Variants in CCSER1 observed in about 807,000 individuals in gnomAD.
CCSER1 encodes coiled-coil serine rich protein 1.
In CCSER1, 41 loss-of-function variants were observed where a neutral mutation model predicts 82.0. The observed-to-expected ratio is 0.50, with a 90% CI of 0.39 to 0.65. The LOEUF is 0.65. Ranked by LOEUF, CCSER1 falls within the 30% of genes least tolerant of loss-of-function variation. The pLI is 0.00. For synonymous variants in CCSER1, 414 were observed against 383.9 expected (o/e 1.08, Z -0.92); for missense variants, 1,119 against 1,064.2 (o/e 1.05, Z -0.72).
intron 10 of CCSER1, among the ~76,000 whole-genome samples, chr4:91,303,513 C>T (rs551052283): frequency 3.3e-5 from 5 of 152,084 alleles, no homozygotes; most frequent in African/African-American, 9.6e-5. Flanking sequence ...AGGCCAGGCA[C>T]AGTTGTTCAC....
chr4:91,370,947 C>T lies in CCSER1; in HGVS notation c.2218-227625C>T, dbSNP rs144179336. ...TGTGATCTTGGCTCACTGCAACCTC[C>T]GCCTCCTGGGTTCAAGTGATTCTCC... On this transcript the variant is annotated intron_variant, in intron 10 of 10. Coordinates refer to ENST00000509176, the MANE Select transcript of CCSER1 (RefSeq NM_001145065.2). 2.4e-3 allele frequency among the ~76,000 whole-genome samples: 366 copies of T among 152,018 alleles called. 2 individuals are homozygous for T. The highest frequency in any genetic ancestry group is 7.3e-3 in the African/African-American group (302 of 41,478).
chr4:90,230,507 C>A (rs937657250), intron 1 of CCSER1, among the ~76,000 whole-genome samples: 1 of 151,850 alleles, frequency 6.6e-6, no homozygotes, highest in African/African-American at 2.4e-5. Context: ...TAAATGCCCA[C>A]AAGAGGAAGC....
chr4:91,232,582 A>G, intron 10 of CCSER1, among the ~76,000 whole-genome samples: 1 of 151,808 alleles, frequency 6.6e-6, no homozygotes, highest in Non-Finnish European at 1.5e-5. Flanking sequence ...GAGAACAGGA[A>G]TAGGAAAGAA....
rs376428073 is a variant in CCSER1, at chr4:90,169,209, C to T, written c.-42+41378C>T. 1.2e-4 allele frequency among the ~76,000 whole-genome samples: 18 copies of T among 151,690 alleles called. No individual in the cohort carries two copies. The East Asian group carries it at 2.2e-3, about 18-fold the overall frequency. ...TCCTTCACATCCCTTGTAAGTTGGA[C>T]TCCTAGGTATTTTATTCTCTTTGAA... On this transcript the variant is annotated intron_variant, in intron 1 of 10. Transcript: ENST00000509176.
chr4:91,301,813 A>T (rs973432629), intron 10 of CCSER1, among the ~76,000 whole-genome samples: 13 of 151,918 alleles, frequency 8.6e-5, no homozygotes, highest in Non-Finnish European at 1.8e-4. Flanking sequence ...GCCACCAACA[A>T]TGATGAGGCA....
intron 10 of CCSER1, among the ~76,000 whole-genome samples, chr4:91,479,026 A>G (rs1432342361): frequency 6.6e-6 from 1 of 151,894 alleles, no homozygotes; most frequent in African/African-American, 2.4e-5. Context: ...CACAATTGCA[A>G]ATAGTATGTT....
chr4:90,501,631 T>C (rs1202982702), intron 5 of CCSER1, among the ~76,000 whole-genome samples: 1 of 152,208 alleles, frequency 6.6e-6, no homozygotes, highest in East Asian at 1.9e-4. Context: ...TTTTGTAAGA[T>C]GCAAACATTT....
intron 3 of CCSER1, among the ~76,000 whole-genome samples, chr4:90,361,159 C>G (rs1745305332): frequency 6.6e-6 from 1 of 152,170 alleles, no homozygotes; most frequent in African/African-American, 2.4e-5. Context: ...GATAGGCACT[C>G]TTTAAACATA....
chr4:90,271,855 TATATATA>T (rs1353397292), intron 1 of CCSER1, among the ~76,000 whole-genome samples: 87 of 31,222 alleles, frequency 2.8e-3, no homozygotes, highest in Middle Eastern at 0.011. Context: ...TATATATATA[TATATATA>T]TTTTTTTTTT....
rs566333428 is a variant in CCSER1 at position 91,136,241 on chromosome 4, C to A, written c.2217+50247C>A. 3.3e-5 allele frequency among the ~76,000 whole-genome samples: 5 copies of A among 152,294 alleles called. No homozygotes were observed. In the South Asian group the frequency reaches 1.0e-3, roughly 32 times the overall value. On this transcript the variant is annotated intron_variant, in intron 10 of 10. Transcript: ENST00000509176. Reference sequence around the variant, plus strand: ...ATCAATTAAAACACTACTCTTCACACCTCATACATTTGCCAGTGTTTTTTC... The same window carrying A: ...ATCAATTAAAACACTACTCTTCACAACTCATACATTTGCCAGTGTTTTTTC...
At chr4:91,541,979 C>A (rs189032427) in intron 10 of CCSER1, among the ~76,000 whole-genome samples, 2 of 151,980 alleles carry the variant, frequency 1.3e-5, no homozygotes, top group Non-Finnish European at 1.5e-5. Context: ...TGATGGCCAG[C>A]GATGATGAGC....
At chr4:90,350,689 C>T (rs1743267070) in intron 3 of CCSER1, among the ~76,000 whole-genome samples, 1 of 151,754 alleles carries the variant, frequency 6.6e-6, no homozygotes, top group East Asian at 1.9e-4. Flanking sequence ...TATAATGGCA[C>T]CAAATATAAC....
chr4:91,583,369 ATTC>A (rs148982376), intron 10 of CCSER1, among the ~76,000 whole-genome samples: 15,047 of 151,340 alleles, frequency 0.099, 918 homozygotes, highest in East Asian at 0.15. Context: ...TCTTTTTTAA[ATTC>A]TTCTTGTCCA....
chr4:91,245,673 A>G (rs1014679701), intron 10 of CCSER1, among the ~76,000 whole-genome samples: 1 of 152,118 alleles, frequency 6.6e-6, no homozygotes, highest in Non-Finnish European at 1.5e-5. Flanking sequence ...AAAGAAAACT[A>G]TATATACACG....
At chr4:91,592,679 T>C (rs1350682061) in intron 10 of CCSER1, among the ~76,000 whole-genome samples, 2 of 152,204 alleles carry the variant, frequency 1.3e-5, no homozygotes, top group Non-Finnish European at 2.9e-5. Context: ...ATAATGTTGA[T>C]ATTTTCATTA....
chr4:90,719,584 A>T (rs547952548), intron 6 of CCSER1, among the ~76,000 whole-genome samples: 61 of 152,160 alleles, frequency 4.0e-4, no homozygotes, highest in African/African-American at 1.0e-3. Context: ...AGTTTCTCAC[A>T]CTTTTCTTGT....
chr4:91,373,973 C>T (rs1473407929), intron 10 of CCSER1, among the ~76,000 whole-genome samples: 1 of 152,088 alleles, frequency 6.6e-6, no homozygotes, highest in Non-Finnish European at 1.5e-5. Flanking sequence ...TAAGTGAAAG[C>T]CTAATTCAGA....
At position 90,685,632 on chromosome 4, in the gene CCSER1, G is replaced by C. The variant is rs553320277; in HGVS notation, c.1933-38282G>C. Among the ~76,000 whole-genome samples, 6 of 152,224 alleles carry C rather than the reference G, an allele frequency of 3.9e-5. No homozygotes were observed. The East Asian group carries it at 1.2e-3, about 30-fold the overall frequency. Reference sequence around the variant, plus strand: ...GTTTAGGGTCTCTGTGTTCGGTGAAGTCCTTTCCATCAATTTAGACAGTAA... The same window carrying C: ...GTTTAGGGTCTCTGTGTTCGGTGAACTCCTTTCCATCAATTTAGACAGTAA... On this transcript the variant is annotated intron_variant, in intron 6 of 10. Transcript: ENST00000509176.
chr4:90,587,476 GGCAGGT>G (rs1466436444), intron 5 of CCSER1, among the ~76,000 whole-genome samples: 5 of 152,122 alleles, frequency 3.3e-5, no homozygotes, highest in African/African-American at 1.2e-4. Flanking sequence ...CAGGCATGGT[GGCAGGT>G]GCCTGTAGTC....
Sources: allele counts gnomAD v4.1 joint callset (sites outside exome capture counted in the v4.1 genomes callset), GRCh38; gene constraint gnomAD v4.1.1; transcripts MANE v1.5; gene names NCBI Gene and HGNC (gene_info 2026-07-23, HGNC 2026-07-21).